SLC30A7: variants seen among roughly 807,000 people sequenced by gnomAD.
SLC30A7 encodes zinc transporter 7.
A neutral mutation model predicts 46.0 loss-of-function variants in SLC30A7; 35 were observed. The ratio of observed to expected loss-of-function variants is 0.76; its 90% CI spans 0.58 to 1.01. The LOEUF is 1.01. SLC30A7 is among the 50% of genes least tolerant of loss of function. The pLI is 0.00. For missense variants in SLC30A7, 464 were observed against 451.1 expected (o/e 1.03, Z -0.26); for synonymous variants, 147 against 157.8 (o/e 0.93, Z 0.51).
At chr1:100,908,894 T>TAGAATGTA (rs1271697590) in intron 3 of SLC30A7, among the ~76,000 whole-genome samples, 1 of 152,162 alleles carries the variant, frequency 6.6e-6, no homozygotes, top group African/African-American at 2.4e-5. Flanking sequence ...GTTTCCAATT[T>TAGAATGTA]AGAATGTATT....
At chr1:100,928,635 T>G (rs1405678112) in intron 8 of SLC30A7, among the ~76,000 whole-genome samples, 1 of 152,122 alleles carries the variant, frequency 6.6e-6, no homozygotes, top group African/African-American at 2.4e-5. Context: ...GTTTGTATTA[T>G]GCATATGACA....
chr1:100,918,988 C>T (rs753666507), intron 7 of SLC30A7, among the ~76,000 whole-genome samples: 12 of 152,202 alleles, frequency 7.9e-5, no homozygotes, highest in Non-Finnish European at 1.2e-4. Context: ...CATTTTAAGT[C>T]GAGGACTGTC....
At chr1:100,919,235 T>C (rs1014295741) in intron 7 of SLC30A7, among the ~76,000 whole-genome samples, 1 of 152,044 alleles carries the variant, frequency 6.6e-6, no homozygotes, top group East Asian at 1.9e-4. Context: ...TTTTGTTTTG[T>C]TTTTGTGGGT....
intron 2 of SLC30A7, 48 bp from the exon 3 acceptor site, chr1:100,906,804 A>C (rs758511743): frequency 8.1e-7 from 1 of 1,231,912 alleles, no homozygotes; most frequent in African/African-American, 1.5e-5. Flanking sequence ...AAAGATGCCT[A>C]CTGTTTGGTT....
chr1:100,959,022 CAT>C (rs1435409460), intron 8 of SLC30A7, among the ~76,000 whole-genome samples: 8 of 152,130 alleles, frequency 5.3e-5, no homozygotes, highest in African/African-American at 1.9e-4. Flanking sequence ...AGCTTAGGGA[CAT>C]TCTAAGCAGA....
chr1:100,982,185 C>T (rs1656979286), downstream of SLC30A7, among the ~76,000 whole-genome samples: 1 of 152,222 alleles, frequency 6.6e-6, no homozygotes, highest in Non-Finnish European at 1.5e-5. Context: ...ATGCACCACT[C>T]ATGTCACCTT....
chr1:100,913,644 C>G lies in SLC30A7; in HGVS notation c.512-19C>G. The G allele has an allele frequency of 6.3e-7, 1 of 1,593,942 alleles. No individual in the cohort carries two copies. Among genetic ancestry groups the G allele is most frequent in the Non-Finnish European group, 8.6e-7 (1 of 1,161,866 alleles). ...AATATATTTTTACATACCTTCTGTC[C>G]TAACACTTTGTTTTCTAGGCCACGG... On this transcript the variant is annotated intron_variant, in intron 5 of 10. Coordinates refer to ENST00000357650, the MANE Select transcript of SLC30A7 (RefSeq NM_133496.5).
chr1:100,966,879 G>A (rs1170946765), intron 10 of SLC30A7, among the ~76,000 whole-genome samples: 1 of 152,108 alleles, frequency 6.6e-6, no homozygotes, highest in Non-Finnish European at 1.5e-5. Context: ...CAAAACTATG[G>A]TCACCTACTG....
At chr1:100,992,823 T>C in the SLC30A7 span, 345 of 864,506 alleles carry the variant, frequency 4.0e-4, 1 homozygote, top group African/African-American at 5.1e-3. Flanking sequence ...CTCCCAGGTA[T>C]ACTCAAGTAC....
intron 1 of SLC30A7, 73 bp downstream of exon 1, chr1:100,896,415 G>T: frequency 6.6e-7 from 1 of 1,522,964 alleles, no homozygotes; most frequent in Non-Finnish European, 9.1e-7. Flanking sequence ...AGGATGGCCC[G>T]AGGTCCAGTG....
At chr1:100,913,408 T>C (rs868727766) in intron 5 of SLC30A7, among the ~76,000 whole-genome samples, 5 of 152,334 alleles carry the variant, frequency 3.3e-5, no homozygotes, top group African/African-American at 4.8e-5. Flanking sequence ...TTTGGAGATA[T>C]CTGTATACTT....
chr1:100,905,926 T>A (rs1314393438), intron 2 of SLC30A7, among the ~76,000 whole-genome samples: 1 of 152,198 alleles, frequency 6.6e-6, no homozygotes, highest in Admixed American at 6.6e-5. Flanking sequence ...AGTCTCTCTT[T>A]TTTTCTTTCT....
At chr1:100,905,263 G>GA (rs1651577233) in intron 2 of SLC30A7, among the ~76,000 whole-genome samples, 3 of 151,756 alleles carry the variant, frequency 2.0e-5, no homozygotes, top group Admixed American at 2.0e-4. Flanking sequence ...AGTTTCTGAA[G>GA]AAAAACATGC....
intron 2 of SLC30A7, 62 bp downstream of exon 2, chr1:100,896,733 G>C: frequency 7.2e-7 from 1 of 1,384,960 alleles, no homozygotes. Flanking sequence ...AGCACTGTTT[G>C]CTTAATGCCA....
intron 8 of SLC30A7, among the ~76,000 whole-genome samples, chr1:100,947,440 T>C (rs529414828): frequency 1.3e-5 from 2 of 152,220 alleles, no homozygotes; most frequent in Non-Finnish European, 2.9e-5. Flanking sequence ...ATTTCTGTTC[T>C]TTTACATTTG....
At chr1:100,961,010 A>G (rs1326812008) in intron 8 of SLC30A7, among the ~76,000 whole-genome samples, 1 of 136,484 alleles carries the variant, frequency 7.3e-6, no homozygotes, top group East Asian at 2.1e-4. Flanking sequence ...GCTAGAGTGC[A>G]GTGGTGCGAT....
intron 8 of SLC30A7, among the ~76,000 whole-genome samples, chr1:100,931,315 CA>C (rs1653652188): frequency 6.6e-6 from 1 of 152,140 alleles, no homozygotes; most frequent in South Asian, 2.1e-4. Context: ...CTGACTTAAG[CA>C]AAATCTCCAC....
At chr1:100,929,821 G>A (rs1653559683) in intron 8 of SLC30A7, among the ~76,000 whole-genome samples, 1 of 151,986 alleles carries the variant, frequency 6.6e-6, no homozygotes, top group Non-Finnish European at 1.5e-5. Flanking sequence ...AAAAACAGGA[G>A]AATGAATATA....
intron 8 of SLC30A7, among the ~76,000 whole-genome samples, chr1:100,945,725 C>A (rs558933148): frequency 6.6e-6 from 1 of 152,238 alleles, no homozygotes; most frequent in East Asian, 1.9e-4. Context: ...TAACGTGATG[C>A]CTCCAGCTTT....
Sources: allele counts gnomAD v4.1 joint callset (sites outside exome capture counted in the v4.1 genomes callset), GRCh38; gene constraint gnomAD v4.1.1; transcripts MANE v1.5; gene names NCBI Gene and HGNC (gene_info 2026-07-23, HGNC 2026-07-21).